The following SPATA4 variants were observed in gnomAD, a reference collection of about 807,000 sequenced individuals.
The protein encoded by SPATA4 is spermatogenesis-associated protein 4.
A neutral mutation model predicts 31.8 loss-of-function variants in SPATA4; 35 were observed. The observed-to-expected ratio is 1.10, with a 90% CI of 0.84 to 1.46. The LOEUF (loss-of-function observed/expected upper bound fraction) is 1.46. SPATA4 is among the 40% of genes most tolerant of loss of function. The probability of loss-of-function intolerance (pLI) is 0.00; values close to 1 mark genes in which losing one functional copy is unlikely to be tolerated. For synonymous variants in SPATA4, 126 were observed against 132.4 expected (o/e 0.95, Z 0.33); for missense variants, 394 against 363.1 (o/e 1.09, Z -0.69).
At chr4:176,193,700 G>T (rs1376344131) in intron 1 of SPATA4, 118 bp from the exon 2 acceptor site, 3 of 1,078,170 alleles carry the variant, frequency 2.8e-6, no homozygotes, top group Middle Eastern at 3.1e-4. Context: ...AGTGAGTGTT[G>T]TTGGATCGTT....
chr4:176,193,754 C>T (rs1273955387), intron 1 of SPATA4, 172 bp from the exon 2 acceptor site: 3 of 588,906 alleles, frequency 5.1e-6, no homozygotes, highest in East Asian at 3.5e-5. Context: ...AGATTATCTA[C>T]GTTTCAAAGG....
chr4:176,185,890 C>T (rs955640211), intron 5 of SPATA4, among the ~76,000 whole-genome samples: 24 of 152,046 alleles, frequency 1.6e-4, no homozygotes, highest in Admixed American at 8.5e-4. Context: ...TTCCATAAAC[C>T]CATCTCTTTT....
rs1752560579 is a variant in SPATA4 at position 176,193,198 on chromosome 4, T to TA, written c.349-123dup. ...GAAGTAATTTTTGTGTTTAACACGT[T>TA]AGTTATTAAAAGATAATATTCAGCA... On this transcript the variant is annotated intron_variant, in intron 2 of 5. Coordinates refer to ENST00000280191, the MANE Select transcript of SPATA4 (RefSeq NM_144644.4). 3.9e-6 allele frequency: 3 copies of TA among 777,214 alleles called. No individual in the cohort carries two copies. The African/African-American group carries it at 5.3e-5, about 14-fold the overall frequency. 48.1% of individuals were successfully genotyped at this position (777,214 alleles called of 1,614,324 possible).
intron 4 of SPATA4, 98 bp downstream of exon 4, chr4:176,192,529 G>C: frequency 1.1e-6 from 1 of 928,966 alleles, no homozygotes; most frequent in Non-Finnish European, 1.7e-6. Context: ...AGTTACAGAA[G>C]ATAGCAAAAT....
Position 176,184,793 on chromosome 4 carries a change from T to C in SPATA4, c.905A>G (p.Asp302Gly), listed in dbSNP as rs1428367256. The C allele has an allele frequency of 6.3e-7, 1 of 1,590,902 alleles. No homozygotes were observed. The highest frequency in any genetic ancestry group is 1.4e-5 in the African/African-American group (1 of 74,006). ...GACAGGTGCTTTTCAAGGTTTCTTG[T>C]CCATGTTTCTGATAGGTTTCATAGC... is the stretch of plus-strand genomic sequence containing the variant. ...YSAMKPIRNM[D>G]KKP Residue 302 changes from aspartate to glycine, a missense_variant, in exon 6 of 6, where the codon GAC (aspartate) becomes GGC (glycine). Physicochemically the swap from Asp to Gly is moderately conservative, Grantham distance 94 (BLOSUM62 -1). Coordinates refer to ENST00000280191, the MANE Select transcript of SPATA4 (RefSeq NM_144644.4).
Position 176,184,754 on chromosome 4 carries a change from C to T in SPATA4, c.*26G>A, listed in dbSNP as rs758332506. ...ATGGCTAGAGATGGTGGCATCACTT[C>T]TTCAAAGCCATTTGACAGGTGCTTT... is the stretch of plus-strand genomic sequence containing the variant. On this transcript the variant is annotated 3_prime_UTR_variant, in exon 6 of 6. Coordinates refer to ENST00000280191, the MANE Select transcript of SPATA4 (RefSeq NM_144644.4). 2 of 1,456,388 alleles carry T rather than the reference C, an allele frequency of 1.4e-6. No homozygotes were observed. Among genetic ancestry groups the T allele is most frequent in the Non-Finnish European group, 1.9e-6 (2 of 1,058,178 alleles). The allele number at this position is 1,456,388 out of a possible 1,614,324, so 90.2% of individuals were successfully genotyped here.
chr4:176,187,849 T>A (rs1752469227), intron 5 of SPATA4, among the ~76,000 whole-genome samples: 1 of 152,228 alleles, frequency 6.6e-6, no homozygotes, highest in Non-Finnish European at 1.5e-5. Context: ...TGAACTCTAA[T>A]GAGCCTGACG....
chr4:176,186,238 G>C (rs1752439221), intron 5 of SPATA4, among the ~76,000 whole-genome samples: 2 of 152,170 alleles, frequency 1.3e-5, no homozygotes, highest in Non-Finnish European at 2.9e-5. Context: ...GCCGTGCTGT[G>C]ACTCATTACT....
At chr4:176,188,270 A>C (rs1435277084) in intron 4 of SPATA4, 35 bp from the exon 5 acceptor site, 1 of 1,361,254 alleles carries the variant, frequency 7.3e-7, no homozygotes, top group Admixed American at 2.1e-5. Flanking sequence ...ATTTCTTAAA[A>C]AGCCATAATG....
chr4:176,190,378 C>G (rs1752509512), intron 4 of SPATA4, among the ~76,000 whole-genome samples: 1 of 152,174 alleles, frequency 6.6e-6, no homozygotes. Context: ...ACAGTGTTAA[C>G]TATGAAGCTT....
chr4:176,193,749 AT>A (rs1752570246), intron 1 of SPATA4, 167 bp from the exon 2 acceptor site: 1 of 617,608 alleles, frequency 1.6e-6, no homozygotes, highest in East Asian at 3.4e-5. Context: ...TGCTAAGATT[AT>A]CTACGTTTCA....
At chr4:176,186,557 T>G (rs1752444067) in intron 5 of SPATA4, among the ~76,000 whole-genome samples, 1 of 152,226 alleles carries the variant, frequency 6.6e-6, no homozygotes. Flanking sequence ...ATTTTATTCA[T>G]GGAAACATTG....
In SPATA4 at chr4:176,192,798, G is replaced by C; in HGVS notation, c.517C>G (p.Gln173Glu). ...DFVNFTDYSY[Q>E]MRLPLVSRST... ...CTGGAAACCAGGGGTAAACGCATCT[G>C]GTAGCTATAGTCCGTGAAATTCACA... The change falls in exon 4 of 6, where the codon CAG becomes GAG. Residue 173 changes from glutamine (Q) to glutamate (E), a missense_variant. Gln to Glu is a conservative substitution (Grantham distance 29). Coordinates refer to ENST00000280191, the MANE Select transcript of SPATA4 (RefSeq NM_144644.4). The C allele has an allele frequency of 6.2e-7, 1 of 1,614,092 alleles. No homozygotes were observed. The highest frequency in any genetic ancestry group is 8.5e-7 in the Non-Finnish European group (1 of 1,179,992).
chr4:176,185,901 T>C (rs992824097), intron 5 of SPATA4, among the ~76,000 whole-genome samples: 1 of 152,058 alleles, frequency 6.6e-6, no homozygotes, highest in African/African-American at 2.4e-5. Flanking sequence ...CATCTCTTTT[T>C]CCAAAGAGAG....
At position 176,184,731 on chromosome 4, in the gene SPATA4, G is replaced by A. The variant is rs73005172; in HGVS notation, c.*49C>T. Reference sequence around the variant, plus strand: ...CTAGGTGATTCTGTTTCTTTATTATGGCTAGAGATGGTGGCATCACTTCTT... The same window carrying A: ...CTAGGTGATTCTGTTTCTTTATTATAGCTAGAGATGGTGGCATCACTTCTT... On this transcript the variant is annotated 3_prime_UTR_variant, in exon 6 of 6. Coordinates refer to ENST00000280191, the MANE Select transcript of SPATA4 (RefSeq NM_144644.4). The A allele has an allele frequency of 3.5e-3, 3,861 of 1,099,420 alleles. 105 individuals carry two copies. The African/African-American group carries it at 0.054, about 15-fold the overall frequency. 68.1% of individuals were successfully genotyped at this position (1,099,420 alleles called of 1,614,324 possible). A position where few individuals can be genotyped will look rare whatever the true frequency, so the allele number is the denominator to read the frequency against.
At chr4:176,190,213 CTT>C (rs1380121390) in intron 4 of SPATA4, among the ~76,000 whole-genome samples, 2 of 152,120 alleles carry the variant, frequency 1.3e-5, no homozygotes, top group Non-Finnish European at 2.9e-5. Context: ...TTTACTTCTT[CTT>C]TCTTTGGAGG....
At chr4:176,191,632 T>A (rs760623159) in intron 4 of SPATA4, among the ~76,000 whole-genome samples, 10 of 152,236 alleles carry the variant, frequency 6.6e-5, no homozygotes, top group Non-Finnish European at 1.3e-4. Context: ...AAAATTTTAA[T>A]GTTTAAAAAC....
At chr4:176,190,168 T>G (rs1752506298) in intron 4 of SPATA4, among the ~76,000 whole-genome samples, 1 of 152,218 alleles carries the variant, frequency 6.6e-6, no homozygotes, top group Admixed American at 6.5e-5. Context: ...GGCACTGGGC[T>G]GTCTGCCTGT....
intron 4 of SPATA4, among the ~76,000 whole-genome samples, chr4:176,192,271 T>C (rs1244760321): frequency 6.6e-6 from 1 of 152,208 alleles, no homozygotes; most frequent in Admixed American, 6.5e-5. Flanking sequence ...CAGTGAATCA[T>C]AGTAATCCAG....
Sources: allele counts gnomAD v4.1 joint callset (sites outside exome capture counted in the v4.1 genomes callset), GRCh38; gene constraint gnomAD v4.1.1; transcripts MANE v1.5; gene names NCBI Gene and HGNC (gene_info 2026-07-23, HGNC 2026-07-21).